CSPP1: variants seen among roughly 807,000 people sequenced by gnomAD.
CSPP1 encodes the protein centrosome and spindle pole-associated protein 1.
Under a neutral mutation model 164.4 loss-of-function variants are expected in CSPP1, and 126 were observed. The ratio of observed to expected loss-of-function variants is 0.77; its 90% confidence interval spans 0.66 to 0.89. CSPP1 has a LOEUF of 0.89. Ranked by LOEUF, CSPP1 falls within the 40% of genes least tolerant of loss-of-function variation. The probability of loss-of-function intolerance (pLI) is 0.00; values close to 1 mark genes in which losing one functional copy is unlikely to be tolerated. For synonymous variants in CSPP1, 472 were observed against 476.7 expected, an observed-to-expected ratio of 0.99 and a Z score of 0.13; for missense variants, 1,395 against 1,449.8, an observed-to-expected ratio of 0.96 and a Z score of 0.61.
chr8:67,094,326 T>G (rs1365978361), intron 6 of CSPP1, among the ~76,000 whole-genome samples: 1 of 143,824 alleles, frequency 7.0e-6, no homozygotes, highest in Non-Finnish European at 1.5e-5. Context: ...CAGGCTGGAA[T>G]GCAGTGGCAC....
At chr8:67,076,445 T>C in intron 2 of CSPP1, 37 bp from the exon 3 acceptor site, 1 of 1,268,022 alleles carries the variant, frequency 7.9e-7, no homozygotes, top group African/African-American at 1.5e-5. Flanking sequence ...TGGTTTTTTT[T>C]TTCCTCTTGC....
chr8:67,098,506 A>G (rs1460467996), intron 7 of CSPP1, among the ~76,000 whole-genome samples: 13 of 151,908 alleles, frequency 8.6e-5, no homozygotes, highest in Admixed American at 8.5e-4. Flanking sequence ...CTAAACTCAT[A>G]TCATGAAATC....
chr8:67,154,064 T>G lies in CSPP1; in HGVS notation c.2169T>G (p.Asn723Lys). The G allele has an allele frequency of 6.2e-7, 1 of 1,607,416 alleles. No individual in the cohort carries two copies. Among genetic ancestry groups the G allele is most frequent in the South Asian group, 1.1e-5 (1 of 90,680 alleles). Residue 723 changes from asparagine (N) to lysine (K), a missense_variant, in exon 19 of 31, where the codon AAT becomes AAG. By Grantham distance (94) the Asn-to-Lys change is moderately conservative (BLOSUM62 0). Coordinates refer to ENST00000678616, the MANE Select transcript of CSPP1 (RefSeq NM_001382391.1). ...QTQSSPFARGNVFGEPPTELQ... is the reference protein window; with the variant it reads ...QTQSSPFARGKVFGEPPTELQ... ...AGAGCTCTCCTTTTGCTCGGGGAAA[T>G]GTATTTGGTGAGCCTCCAACTGAAC...
intron 17 of CSPP1, 109 bp from the exon 18 acceptor site, chr8:67,149,674 C>T: frequency 1.4e-6 from 1 of 695,678 alleles, no homozygotes; most frequent in Non-Finnish European, 2.2e-6. Context: ...TTATTCCCAA[C>T]TTTGTCCTAT....
In CSPP1 at chr8:67,130,024, T is replaced by A. The variant is rs576269135; in HGVS notation, c.1698-1927T>A. On this transcript the variant is annotated intron_variant, in intron 15 of 30. Coordinates refer to ENST00000678616, the MANE Select transcript of CSPP1 (RefSeq NM_001382391.1). ...CTGTATGAGTCCACCTACATGTGGA[T>A]TTTTTTCAGCCAACTTCAATAGAAA... is the stretch of plus-strand genomic sequence containing the variant. Among the ~76,000 whole-genome samples the A allele has an allele frequency of 1.1e-3, 169 of 152,316 alleles. 2 individuals carry two copies. The highest frequency in any genetic ancestry group is 3.9e-3 in the African/African-American group (162 of 41,574).
chr8:67,179,791 CTT>C, intron 27 of CSPP1, 70 bp from the exon 28 acceptor site: 1 of 1,026,082 alleles, frequency 9.7e-7, no homozygotes, highest in Non-Finnish European at 1.5e-6. Flanking sequence ...ACTTGTGCCT[CTT>C]CTTAGTATAA....
intron 19 of CSPP1, 60 bp from the exon 20 acceptor site, chr8:67,158,386 TA>T: frequency 6.9e-7 from 1 of 1,449,252 alleles, no homozygotes; most frequent in Non-Finnish European, 9.2e-7. Flanking sequence ...AGGAAAAAAA[TA>T]AGTGATATTC....
At chr8:67,158,057 A>G (rs1827010899) in intron 19 of CSPP1, among the ~76,000 whole-genome samples, 1 of 151,084 alleles carries the variant, frequency 6.6e-6, no homozygotes, top group South Asian at 2.1e-4. Flanking sequence ...AGCAGCAATC[A>G]CTATAGAATA....
chr8:67,077,405 G>A (rs1205894183), intron 3 of CSPP1, among the ~76,000 whole-genome samples: 1 of 151,656 alleles, frequency 6.6e-6, no homozygotes, highest in African/African-American at 2.4e-5. Flanking sequence ...GCACGATCTC[G>A]GCTCACTGCC....
chr8:67,092,218 T>A (rs1441909113), intron 5 of CSPP1, among the ~76,000 whole-genome samples: 1 of 152,156 alleles, frequency 6.6e-6, no homozygotes, highest in Non-Finnish European at 1.5e-5. Context: ...TTGGAATAAG[T>A]GGATGTGAAA....
intron 1 of CSPP1, among the ~76,000 whole-genome samples, chr8:67,072,955 A>G (rs1454076846): frequency 6.6e-6 from 1 of 152,008 alleles, no homozygotes; most frequent in Non-Finnish European, 1.5e-5. Context: ...CAATGATTAT[A>G]TGTATGGTAA....
intron 21 of CSPP1, among the ~76,000 whole-genome samples, chr8:67,159,778 T>C (rs536064219): frequency 1.1e-3 from 171 of 151,158 alleles, no homozygotes; most frequent in African/African-American, 3.8e-3. Context: ...CACCTCTGCC[T>C]CCCAGAGTGC....
chr8:67,127,459 G>A (rs892000165), intron 15 of CSPP1, among the ~76,000 whole-genome samples: 22 of 151,976 alleles, frequency 1.4e-4, no homozygotes, highest in African/African-American at 4.8e-4. Flanking sequence ...ATCTCATCAC[G>A]AGGACTGTAC....
At chr8:67,103,748 G>A (rs1278324877) in intron 8 of CSPP1, among the ~76,000 whole-genome samples, 1 of 150,970 alleles carries the variant, frequency 6.6e-6, no homozygotes, top group Non-Finnish European at 1.5e-5. Context: ...GCTGAGGCAG[G>A]AGAATGGCGT....
At chr8:67,103,175 A>G (rs1304499466) in intron 8 of CSPP1, 40 bp downstream of exon 8, 3 of 1,228,344 alleles carry the variant, frequency 2.4e-6, no homozygotes, top group Non-Finnish European at 1.2e-6. Flanking sequence ...TAGTCATTAC[A>G]TTGTGAAACA....
chr8:67,129,526 T>G (rs1025530055), intron 15 of CSPP1, among the ~76,000 whole-genome samples: 1 of 151,994 alleles, frequency 6.6e-6, no homozygotes, highest in Non-Finnish European at 1.5e-5. Context: ...TCAAAAGAAA[T>G]AAAAATAACA....
At chr8:67,191,282 T>G (rs1836159657) in intron 29 of CSPP1, among the ~76,000 whole-genome samples, 1 of 152,210 alleles carries the variant, frequency 6.6e-6, no homozygotes, top group Admixed American at 6.5e-5. Context: ...GTAGGCAGCT[T>G]GGGCAATTTC....
intron 21 of CSPP1, among the ~76,000 whole-genome samples, chr8:67,161,498 G>C (rs563071790): frequency 1.3e-5 from 2 of 152,146 alleles, no homozygotes; most frequent in South Asian, 4.2e-4. Context: ...TATTATTAAA[G>C]ATGATTCTTT....
At chr8:67,172,365 T>C in intron 24 of CSPP1, 51 bp from the exon 25 acceptor site, 1 of 1,448,770 alleles carries the variant, frequency 6.9e-7, no homozygotes, top group Non-Finnish European at 9.6e-7. Context: ...AGATGTGAAC[T>C]CACCTATTTT....
Sources: allele counts gnomAD v4.1 joint callset (sites outside exome capture counted in the v4.1 genomes callset), GRCh38; gene constraint gnomAD v4.1.1; transcripts MANE v1.5; gene names NCBI Gene and HGNC (gene_info 2026-07-23, HGNC 2026-07-21).